Variants in ATRN observed in about 807,000 individuals in gnomAD.
The protein encoded by ATRN is attractin-2.
A neutral mutation model predicts 178.7 loss-of-function variants in ATRN; 54 were observed. That is an observed-to-expected ratio of 0.30 (90% CI 0.24 to 0.38). The LOEUF (loss-of-function observed/expected upper bound fraction) is 0.38, where lower values mean the gene tolerates loss of function less well. Among genes scored for constraint, ATRN ranks in the 10% least tolerant of loss-of-function variants. The probability of loss-of-function intolerance (pLI) is 1.00; values close to 1 mark genes in which losing one functional copy is unlikely to be tolerated. For synonymous variants in ATRN, 636 were observed against 663.0 expected (o/e 0.96, Z 0.63); for missense variants, 1,443 against 1,815.1 (o/e 0.79, Z 3.73).
chr20:3,494,794 A>G (rs2084856111), intron 1 of ATRN, among the ~76,000 whole-genome samples: 1 of 152,200 alleles, frequency 6.6e-6, no homozygotes, highest in African/African-American at 2.4e-5. Context: ...GAAGCCACGG[A>G]TGCAGATGTA....
At chr20:3,572,673 A>T in intron 11 of ATRN, 58 bp from the exon 12 acceptor site, 2 of 1,408,728 alleles carry the variant, frequency 1.4e-6, no homozygotes, top group Non-Finnish European at 2.0e-6. Flanking sequence ...AAAAAAGTAT[A>T]GCATCCAATT....
chr20:3,586,177 A>G (rs1442511876), intron 18 of ATRN, among the ~76,000 whole-genome samples: 1 of 152,244 alleles, frequency 6.6e-6, no homozygotes, highest in Non-Finnish European at 1.5e-5. Context: ...AAGTGAAAAC[A>G]AGCCAAATAC....
intron 25 of ATRN, among the ~76,000 whole-genome samples, chr20:3,626,781 C>CTTTTTTT (rs33999405): frequency 2.5e-5 from 3 of 118,172 alleles, no homozygotes; most frequent in Admixed American, 9.5e-5. Flanking sequence ...TGAATTATTT[C>CTTTTTTT]TTTTTTTTTT....
chr20:3,475,704 T>C (rs1013992919), intron 1 of ATRN, among the ~76,000 whole-genome samples: 1 of 152,206 alleles, frequency 6.6e-6, no homozygotes, highest in Non-Finnish European at 1.5e-5. Flanking sequence ...TCTTTTAAGT[T>C]CCTGCTGTAG....
Position 3,591,207 on chromosome 20 carries a change from A to G in ATRN, c.3223A>G (p.Ser1075Gly). The change falls in exon 19 of 29, where the codon AGC becomes GGC. Residue 1075 changes from serine to glycine, a missense_variant. Transcript: ENST00000262919. ...CNGHSKCINQ[S>G]ICEKCENLTT... ...CGGCCACAGTAAATGCATCAATCAG[A>G]GCATCTGTGAGAAGTGTGAGAACCT... 6.2e-7 allele frequency: 1 copy of G among 1,614,182 alleles called. No homozygotes were observed. Among genetic ancestry groups the G allele is most frequent in the Non-Finnish European group, 8.5e-7 (1 of 1,180,008 alleles).
chr20:3,590,732 AAGTT>A (rs917525432), intron 18 of ATRN, among the ~76,000 whole-genome samples: 2 of 152,212 alleles, frequency 1.3e-5, no homozygotes, highest in Non-Finnish European at 2.9e-5. Context: ...GTTGTGATCT[AAGTT>A]AAGAAAGGTG....
chr20:3,609,933 T>C (rs952858778), intron 24 of ATRN, among the ~76,000 whole-genome samples: 2 of 152,088 alleles, frequency 1.3e-5, no homozygotes, highest in African/African-American at 4.8e-5. Context: ...AGAAAGTGGA[T>C]TGGAGGTTAC....
At chr20:3,576,669 T>TTATCTATC (rs199620341) in intron 13 of ATRN, among the ~76,000 whole-genome samples, 190 bp from the exon 14 acceptor site, 9 of 108,190 alleles carry the variant, frequency 8.3e-5, no homozygotes, top group Admixed American at 3.7e-4. Flanking sequence ...CTACTGCAAC[T>TTATCTATC]TATCTATCTA....
In ATRN at chr20:3,509,340, C is replaced by T. The variant is rs2085092033; in HGVS notation, c.411-25913C>T. Among the ~76,000 whole-genome samples the T allele has an allele frequency of 3.9e-5, 6 of 151,976 alleles. No homozygotes were observed. In the South Asian group the frequency reaches 1.2e-3, roughly 32 times the overall value. On this transcript the variant is annotated intron_variant, in intron 1 of 28. Coordinates refer to ENST00000262919, the MANE Select transcript of ATRN (RefSeq NM_139321.3). ...ACAGCTGGTTTATGTCTATATCTGA[C>T]AAAATAGACTTAAGAAGGATTGCTA...
chr20:3,519,996 A>G (rs1018463012), intron 1 of ATRN, among the ~76,000 whole-genome samples: 2 of 152,250 alleles, frequency 1.3e-5, no homozygotes, highest in Non-Finnish European at 2.9e-5. Flanking sequence ...TTTGAGGCAA[A>G]TAAATGAAGC....
chr20:3,471,347 G>A lies in ATRN; in HGVS notation c.240G>A (p.Glu80=), dbSNP rs1568672854. Residue 80 remains glutamate (E), a synonymous_variant, in exon 1 of 29, where the codon GAG becomes GAA. Transcript: ENST00000262919. ...PPLLLLLLPC[E]AEAAAAAAAV... ...TGCTGCTGCTGCTGCTGCCCTGTGA[G>A]GCCGAGGCCGCGGCGGCGGCGGCGG... 6.7e-7 allele frequency: 1 copy of A among 1,486,400 alleles called. No individual in the cohort carries two copies. Among genetic ancestry groups the A allele is most frequent in the South Asian group, 1.3e-5 (1 of 78,040 alleles). The allele number at this position is 1,486,400 out of a possible 1,614,324, so 92.1% of individuals were successfully genotyped here.
intron 5 of ATRN, among the ~76,000 whole-genome samples, chr20:3,548,208 C>T (rs1365594902): frequency 1.3e-5 from 2 of 152,092 alleles, no homozygotes; most frequent in East Asian, 3.8e-4. Flanking sequence ...TGATTGCTCC[C>T]GGGTCTAGTT....
In ATRN at chr20:3,585,582, A is replaced by G. The variant is rs3134567; in HGVS notation, c.3184+702A>G. Among the ~76,000 whole-genome samples the G allele has an allele frequency of 3.7e-3, 568 of 152,364 alleles. 2 individuals carry two copies. The highest frequency in any genetic ancestry group is 0.014 in the Middle Eastern group (4 of 294). Reference sequence around the variant, plus strand: ...GGACCTGCAATTCTATTTTTAATCTACTAGGAGTTAACTTTTTAACGAAAT... The same window carrying G: ...GGACCTGCAATTCTATTTTTAATCTGCTAGGAGTTAACTTTTTAACGAAAT... On this transcript the variant is annotated intron_variant, in intron 18 of 28. Coordinates refer to ENST00000262919, the MANE Select transcript of ATRN (RefSeq NM_139321.3).
intron 1 of ATRN, among the ~76,000 whole-genome samples, chr20:3,505,661 T>C (rs2085033211): frequency 1.3e-5 from 2 of 152,140 alleles, no homozygotes; most frequent in South Asian, 4.1e-4. Flanking sequence ...GGACTAAATA[T>C]ACCAATCAAA....
At position 3,582,210 on chromosome 20, in the gene ATRN, C is replaced by T. The variant is rs1175634008; in HGVS notation, c.2620C>T (p.Pro874Ser). 6.2e-7 allele frequency: 1 copy of T among 1,614,138 alleles called. No homozygotes were observed. Among genetic ancestry groups the T allele is most frequent in the Non-Finnish European group, 8.5e-7 (1 of 1,180,034 alleles). Residue 874 changes from proline (P) to serine (S), a missense_variant, in exon 16 of 29, where the codon CCA becomes TCA. By Grantham distance (74) the Pro-to-Ser change is moderately conservative. This residue lies in a region of ATRN where 212 missense variants were observed against 330.7 expected (regional missense o/e 0.64). Coordinates refer to ENST00000262919, the MANE Select transcript of ATRN (RefSeq NM_139321.3). ...VSYWCWEDMS[P>S]FTNSLLQWMP... ...CTACTGGTGCTGGGAAGATATGTCC[C>T]CATTTACAAATAGTTTACTACAGTG...
intron 16 of ATRN, among the ~76,000 whole-genome samples, chr20:3,583,461 T>G (rs2086308314): frequency 6.6e-6 from 1 of 152,262 alleles, no homozygotes; most frequent in African/African-American, 2.4e-5. Context: ...TATTGTTTTC[T>G]ATTTTCTCTC....
At position 3,499,594 on chromosome 20, in the gene ATRN, T is replaced by C. The variant is rs2084927931; in HGVS notation, c.410+28077T>C. Among the ~76,000 whole-genome samples the C allele has an allele frequency of 2.0e-5, 3 of 150,642 alleles. No individual in the cohort carries two copies. In the South Asian group the frequency reaches 6.3e-4, roughly 31 times the overall value. ...AACAAGCATTGGGGAAAGGATTCCC[T>C]ATTTAATAAATGGTGCTGGGAAAAC... On this transcript the variant is annotated intron_variant, in intron 1 of 28. Coordinates refer to ENST00000262919, the MANE Select transcript of ATRN (RefSeq NM_139321.3).
intron 14 of ATRN, among the ~76,000 whole-genome samples, chr20:3,578,315 C>G (rs2086238283): frequency 6.6e-6 from 1 of 152,184 alleles, no homozygotes; most frequent in Non-Finnish European, 1.5e-5. Context: ...AATATTGGCA[C>G]CAAACTGGTG....
At position 3,563,341 on chromosome 20, in the gene ATRN, A is replaced by T; in HGVS notation, c.1764A>T (p.Ser588=). ...SMSHGAKCFS[S]DFMAYDIACD... ...GCCATGGCGCCAAATGCTTCTCTTC[A>T]GATTTCATGGCCTATGACATTGGTA... is the stretch of plus-strand genomic sequence containing the variant. The change falls in exon 10 of 29, where the codon TCA becomes TCT. Residue 588 remains serine, a synonymous_variant. Coordinates refer to ENST00000262919, the MANE Select transcript of ATRN (RefSeq NM_139321.3). 1 of 1,614,074 alleles carries T rather than the reference A, an allele frequency of 6.2e-7. No homozygotes were observed. The highest frequency in any genetic ancestry group is 8.5e-7 in the Non-Finnish European group (1 of 1,179,972).
Sources: allele counts gnomAD v4.1 joint callset (sites outside exome capture counted in the v4.1 genomes callset), GRCh38; gene constraint gnomAD v4.1.1; regional missense constraint gnomAD v4.1.1; transcripts MANE v1.5; gene names NCBI Gene and HGNC (gene_info 2026-07-23, HGNC 2026-07-21).